Variants in RYR2 observed in about 807,000 individuals in gnomAD.
RYR2 encodes the protein ryanodine receptor 2.
Under a neutral mutation model 601.1 loss-of-function variants are expected in RYR2, and 227 were observed. The observed-to-expected ratio is 0.38, with a 90% CI of 0.34 to 0.42. The LOEUF (loss-of-function observed/expected upper bound fraction) is 0.42. RYR2 is among the 10% of genes least tolerant of loss of function. RYR2 has a pLI of 1.00. For synonymous variants in RYR2, 2,223 were observed against 2,175.1 expected, an observed-to-expected ratio of 1.02 and a Z score of -0.61; for missense variants, 4,646 against 6,156.5, an observed-to-expected ratio of 0.75 and a Z score of 8.21.
intron 34 of RYR2, among the ~76,000 whole-genome samples, chr1:237,601,797 A>C (rs1676532006): frequency 6.6e-6 from 1 of 152,194 alleles, no homozygotes; most frequent in South Asian, 2.1e-4. Context: ...CTTCTGTTAA[A>C]TAATGACAAT....
intron 43 of RYR2, 122 bp from the exon 44 acceptor site, chr1:237,634,767 T>G (rs762461584): frequency 1.5e-5 from 10 of 653,266 alleles, no homozygotes; most frequent in Non-Finnish European, 2.6e-5. Flanking sequence ...TGTAAATCAA[T>G]GTAGATTAAT....
chr1:237,535,820 A>C (rs1668559010), intron 25 of RYR2, among the ~76,000 whole-genome samples: 1 of 152,216 alleles, frequency 6.6e-6, no homozygotes. Flanking sequence ...GATGCTTAAT[A>C]AAGACGAAAA....
At chr1:237,679,999 T>C (rs1685727598) in intron 61 of RYR2, among the ~76,000 whole-genome samples, 1 of 152,192 alleles carries the variant, frequency 6.6e-6, no homozygotes, top group African/African-American at 2.4e-5. Flanking sequence ...GGCAACTAAG[T>C]AGCAATGTGA....
chr1:237,489,570 T>G (rs1337551811), intron 17 of RYR2, among the ~76,000 whole-genome samples: 1 of 151,862 alleles, frequency 6.6e-6, no homozygotes, highest in African/African-American at 2.4e-5. Flanking sequence ...GGCAGGAGAG[T>G]TGCTTGAACC....
chr1:237,322,083 G>A (rs909660244), intron 2 of RYR2, among the ~76,000 whole-genome samples: 2 of 152,136 alleles, frequency 1.3e-5, no homozygotes, highest in African/African-American at 4.8e-5. Context: ...ATTTCAGCTT[G>A]ATTTGTTCAA....
chr1:237,278,288 A>T (rs1205723928), intron 2 of RYR2, among the ~76,000 whole-genome samples: 3 of 102,536 alleles, frequency 2.9e-5, no homozygotes, highest in African/African-American at 1.2e-4. Context: ...ATAGGGTTTC[A>T]CTGTGTTGCC....
chr1:237,108,690 T>C (rs1158759457), intron 1 of RYR2, among the ~76,000 whole-genome samples: 1 of 152,130 alleles, frequency 6.6e-6, no homozygotes, highest in Non-Finnish European at 1.5e-5. Flanking sequence ...GGAGAGTCCC[T>C]CCTCCTGGCA....
At chr1:237,554,676 TAGA>T (rs1670712067) in intron 27 of RYR2, among the ~76,000 whole-genome samples, 1 of 151,984 alleles carries the variant, frequency 6.6e-6, no homozygotes, top group African/African-American at 2.4e-5. Flanking sequence ...GAGAGCTATT[TAGA>T]TTTTCTATTT....
intron 1 of RYR2, among the ~76,000 whole-genome samples, chr1:237,171,229 A>G (rs908049396): frequency 1.5e-4 from 8 of 53,678 alleles, no homozygotes; most frequent in African/African-American, 3.1e-4. Flanking sequence ...GCAAGACTCC[A>G]TCTCAAAAAA....
At chr1:237,535,284 T>A (rs1466130480) in intron 25 of RYR2, among the ~76,000 whole-genome samples, 2 of 151,854 alleles carry the variant, frequency 1.3e-5, no homozygotes, top group Non-Finnish European at 2.9e-5. Flanking sequence ...AAAAAGACTC[T>A]GAAAAGATTG....
chr1:237,596,031 A>G (rs1675861217), intron 34 of RYR2, among the ~76,000 whole-genome samples: 1 of 152,194 alleles, frequency 6.6e-6, no homozygotes, highest in Non-Finnish European at 1.5e-5. Context: ...CCGGTACCCT[A>G]GAACCCATCT....
chr1:237,687,515 C>T lies in RYR2; in HGVS notation c.9067+11C>T, dbSNP rs913127841. 1.2e-6 allele frequency: 2 copies of T among 1,601,716 alleles called. No homozygotes were observed. The highest frequency in any genetic ancestry group is 1.7e-6 in the Non-Finnish European group (2 of 1,171,014). On this transcript the variant is annotated intron_variant, in intron 63 of 104. Coordinates refer to ENST00000366574, the MANE Select transcript of RYR2 (RefSeq NM_001035.3). ...GGATTTCACTATTTGGTAAGGAGAC[C>T]CTTGAAAAAATACAAGCATGGCCAT...
intron 1 of RYR2, among the ~76,000 whole-genome samples, chr1:237,143,465 C>T (rs1037285482): frequency 6.6e-6 from 1 of 152,162 alleles, no homozygotes; most frequent in African/African-American, 2.4e-5. Flanking sequence ...GCTGCTTTGC[C>T]TACAGCAGCC....
intron 10 of RYR2, among the ~76,000 whole-genome samples, chr1:237,413,013 A>G (rs1036219858): frequency 1.3e-5 from 2 of 152,122 alleles, no homozygotes; most frequent in Admixed American, 1.3e-4. Flanking sequence ...GCTGATTTCT[A>G]AATAAGTTTG....
intron 3 of RYR2, among the ~76,000 whole-genome samples, chr1:237,335,033 C>T (rs1032001909): frequency 2.0e-5 from 3 of 151,984 alleles, no homozygotes; most frequent in African/African-American, 7.3e-5. Flanking sequence ...GCTATTAATT[C>T]CTGACTGCCT....
intron 1 of RYR2, among the ~76,000 whole-genome samples, chr1:237,057,145 G>A (rs73120075): frequency 0.039 from 6,007 of 152,222 alleles, 393 homozygotes; most frequent in African/African-American, 0.14. Flanking sequence ...GGAGGAGCAT[G>A]TAGAGGAGTC....
intron 1 of RYR2, among the ~76,000 whole-genome samples, chr1:237,224,292 C>A (rs529874874): frequency 6.6e-6 from 1 of 152,190 alleles, no homozygotes; most frequent in East Asian, 1.9e-4. Flanking sequence ...ATATGTAGAT[C>A]TTAGTCTATT....
At chr1:237,306,731 A>G (rs1426830703) in intron 2 of RYR2, among the ~76,000 whole-genome samples, 1 of 152,216 alleles carries the variant, frequency 6.6e-6, no homozygotes, top group Non-Finnish European at 1.5e-5. Context: ...AACCAAAAAG[A>G]GCTAGAAGGA....
At chr1:237,218,819 CAGAG>C (rs1426627372) in intron 1 of RYR2, among the ~76,000 whole-genome samples, 3 of 151,972 alleles carry the variant, frequency 2.0e-5, no homozygotes, top group Non-Finnish European at 2.9e-5. Context: ...GCTGGGGAGT[CAGAG>C]AGACCTTAGC....
Sources: allele counts gnomAD v4.1 joint callset (sites outside exome capture counted in the v4.1 genomes callset), GRCh38; gene constraint gnomAD v4.1.1; transcripts MANE v1.5; gene names NCBI Gene and HGNC (gene_info 2026-07-23, HGNC 2026-07-21).